DNA2: variants seen among roughly 807,000 people sequenced by gnomAD.
DNA2 encodes DNA replication ATP-dependent helicase/nuclease DNA2.
In DNA2, 101 loss-of-function variants were observed where a neutral mutation model predicts 119.1. The ratio of observed to expected loss-of-function variants is 0.85; its 90% CI spans 0.72 to 1.00. The LOEUF (loss-of-function observed/expected upper bound fraction) is 1.00, where lower values mean the gene tolerates loss of function less well. Among genes scored for constraint, DNA2 ranks in the 50% least tolerant of loss-of-function variants. The pLI, the probability that DNA2 is intolerant of heterozygous loss-of-function variation, is 0.00. For synonymous variants in DNA2, 366 were observed against 424.4 expected (o/e 0.86, Z 1.69); for missense variants, 1,121 against 1,255.5 (o/e 0.89, Z 1.62).
chr10:68,434,298 C>G (rs562613057), intron 10 of DNA2, among the ~76,000 whole-genome samples: 4 of 151,292 alleles, frequency 2.6e-5, no homozygotes, highest in African/African-American at 9.7e-5. Context: ...CCCTGAACCT[C>G]CTAAAATTGA....
At chr10:68,440,909 AGTGGCTT>A (rs1187948494) in intron 9 of DNA2, among the ~76,000 whole-genome samples, 1 of 152,238 alleles carries the variant, frequency 6.6e-6, no homozygotes, top group African/African-American at 2.4e-5. Context: ...GGCCAGGCAT[AGTGGCTT>A]ATACCTATAA....
At chr10:68,416,688 T>C in intron 20 of DNA2, 21 bp downstream of exon 20, 2 of 1,600,364 alleles carry the variant, frequency 1.2e-6, no homozygotes, top group Non-Finnish European at 1.7e-6. Context: ...AATGTGACCA[T>C]ATACAGAAGA....
At chr10:68,463,443 CAAAA>C (rs35470662) in intron 4 of DNA2, among the ~76,000 whole-genome samples, 1 of 59,448 alleles carries the variant, frequency 1.7e-5, no homozygotes, top group African/African-American at 5.9e-5. Context: ...GACTCCATCT[CAAAA>C]AAAAAAAAAA....
At chr10:68,440,752 T>C (rs886770639) in intron 9 of DNA2, among the ~76,000 whole-genome samples, 31 of 152,362 alleles carry the variant, frequency 2.0e-4, no homozygotes, top group African/African-American at 6.5e-4. Context: ...CACTGCAATG[T>C]TTCCTTGTGT....
intron 3 of DNA2, 81 bp downstream of exon 3, chr10:68,468,042 G>A: frequency 9.5e-7 from 1 of 1,054,410 alleles, no homozygotes; most frequent in Non-Finnish European, 1.3e-6. Context: ...TTGCTGGGAG[G>A]ATTAAGTGAA....
chr10:68,471,751 C>CT lies in DNA2; in HGVS notation c.74+39dup, dbSNP rs770895203. Reference sequence around the variant, plus strand: ...GCCTCTCCCGCTCCTTCTTTCAAATCTCCCGCTTTGTTCCCACACCCTCCC... The same window carrying CT: ...GCCTCTCCCGCTCCTTCTTTCAAATCTTCCCGCTTTGTTCCCACACCCTCCC... On this transcript the variant is annotated intron_variant, in intron 1 of 20. Transcript: ENST00000358410. 3.0e-5 allele frequency: 46 copies of CT among 1,536,780 alleles called. No individual in the cohort carries two copies. The East Asian group carries it at 1.1e-3, about 35-fold the overall frequency.
intron 4 of DNA2, among the ~76,000 whole-genome samples, chr10:68,463,371 G>A (rs897670792): frequency 6.6e-6 from 1 of 150,532 alleles, no homozygotes; most frequent in Non-Finnish European, 1.5e-5. Context: ...GTGAACCCAG[G>A]AGGCGGAGCT....
intron 2 of DNA2, among the ~76,000 whole-genome samples, chr10:68,469,654 T>C (rs1174735876): frequency 6.6e-6 from 1 of 151,874 alleles, no homozygotes; most frequent in East Asian, 1.9e-4. Flanking sequence ...TAGTAGAGAC[T>C]GGGTTTCTCC....
rs762645132 is a variant in DNA2, at chr10:68,416,827, C to T, written c.2996G>A (p.Arg999His). 1.4e-5 allele frequency: 23 copies of T among 1,609,918 alleles called. No individual in the cohort carries two copies. Among genetic ancestry groups the T allele is most frequent in the East Asian group, 6.7e-5 (3 of 44,872 alleles). The part of the protein sequence containing the change: ...TVGELLKDWR[R>H]LNVAITRAKH... The stretch of plus-strand genomic sequence containing the variant: ...GGCTCTGGTTATAGCAACATTAAGA[C>T]GTCGCCAATCTTTCAAGAGTTCACC... The change falls in exon 20 of 21, where the codon CGT becomes CAT. Residue 999 changes from arginine to histidine, a missense_variant. Arg to His is a conservative substitution (Grantham distance 29, BLOSUM62 0). Transcript: ENST00000358410.
chr10:68,445,000 C>T lies in DNA2; in HGVS notation c.1141G>A (p.Ala381Thr). The T allele has an allele frequency of 6.2e-7, 1 of 1,613,382 alleles. No homozygotes were observed. The change falls in exon 8 of 21, where the codon GCT (alanine) becomes ACT (threonine). Residue 381 changes from alanine to threonine, a missense_variant. Transcript: ENST00000358410. ...KSATRQKTQLASLPQIIEEEK... is the reference protein window; with the variant it reads ...KSATRQKTQLTSLPQIIEEEK... ...TCCTCAATTATTTGTGGCAAAGAAG[C>T]AAGCTGTGTCTTCTGTCTAGTAGCA...
chr10:68,429,875 A>G (rs372556003), intron 14 of DNA2, among the ~76,000 whole-genome samples: 1 of 148,436 alleles, frequency 6.7e-6, no homozygotes, highest in Admixed American at 6.9e-5. Flanking sequence ...CTTACTAAAA[A>G]ACCCGGATTT....
intron 7 of DNA2, 85 bp downstream of exon 7, chr10:68,446,211 A>G: frequency 1.4e-6 from 1 of 700,998 alleles, no homozygotes; most frequent in Non-Finnish European, 2.4e-6. Flanking sequence ...TGCTGTGAGT[A>G]GATTGTCAGG....
intron 5 of DNA2, among the ~76,000 whole-genome samples, chr10:68,456,468 G>T (rs2052183391): frequency 6.6e-6 from 1 of 152,168 alleles, no homozygotes; most frequent in South Asian, 2.1e-4. Flanking sequence ...AGGCTACAGT[G>T]CAGTGGCACG....
intron 5 of DNA2, among the ~76,000 whole-genome samples, chr10:68,452,831 G>A (rs545069883): frequency 1.5e-5 from 2 of 136,876 alleles, no homozygotes; most frequent in East Asian, 4.3e-4. Context: ...CAATCCTCCT[G>A]CTTTCGCCTC....
chr10:68,470,344 T>C, intron 1 of DNA2, 181 bp from the exon 2 acceptor site: 1 of 539,226 alleles, frequency 1.9e-6, no homozygotes, highest in Non-Finnish European at 3.2e-6. Context: ...AGAATTCCTA[T>C]TATAAAAACT....
At chr10:68,447,122 A>C (rs965272968) in intron 6 of DNA2, among the ~76,000 whole-genome samples, 6 of 152,156 alleles carry the variant, frequency 3.9e-5, no homozygotes, top group Non-Finnish European at 7.3e-5. Flanking sequence ...CCATGAACGT[A>C]TACACCTACT....
intron 8 of DNA2, 124 bp downstream of exon 8, chr10:68,444,797 A>C (rs1181398265): frequency 1.6e-6 from 1 of 628,040 alleles, no homozygotes; most frequent in African/African-American, 1.9e-5. Flanking sequence ...AATAATACGA[A>C]GGAAAATATA....
chr10:68,464,449 A>C (rs1375498859), intron 4 of DNA2, among the ~76,000 whole-genome samples: 1 of 151,604 alleles, frequency 6.6e-6, no homozygotes, highest in African/African-American at 2.4e-5. Context: ...CGGGAGGTAG[A>C]GGCTGCAATG....
At chr10:68,464,425 A>G (rs1205438681) in intron 4 of DNA2, among the ~76,000 whole-genome samples, 3 of 145,204 alleles carry the variant, frequency 2.1e-5, no homozygotes, top group Non-Finnish European at 4.6e-5. Flanking sequence ...TGAGGCAGGA[A>G]AATTGCTTGA....
Sources: gnomAD v4.1 joint callset for allele counts (sites outside exome capture counted in the v4.1 genomes callset) on GRCh38, gnomAD v4.1.1 for gene constraint, MANE v1.5 for transcripts, NCBI Gene and HGNC (gene_info 2026-07-23, HGNC 2026-07-21) for gene names.